KCTD1: variants seen among roughly 807,000 people sequenced by gnomAD.
KCTD1 encodes BTB/POZ domain-containing protein KCTD1.
Under a neutral mutation model 66.0 loss-of-function variants are expected in KCTD1, and 24 were observed. The ratio of observed to expected loss-of-function variants is 0.36; its 90% CI spans 0.26 to 0.51. The LOEUF is 0.51. Ranked by LOEUF, KCTD1 falls within the 20% of genes least tolerant of loss-of-function variation. The pLI is 0.95. For synonymous variants in KCTD1, 511 were observed against 517.2 expected, an observed-to-expected ratio of 0.99 and a Z score of 0.16; for missense variants, 943 against 1,205.2, an observed-to-expected ratio of 0.78 and a Z score of 3.22.
At chr18:26,639,201 G>A (rs373358916) in intron 1 of KCTD1, among the ~76,000 whole-genome samples, 18 of 152,206 alleles carry the variant, frequency 1.2e-4, no homozygotes, top group African/African-American at 4.1e-4. Context: ...AGTCAGAAGA[G>A]CTGAGAATCT....
chr18:26,502,594 G>T (rs1351710260), intron 1 of KCTD1, among the ~76,000 whole-genome samples: 1 of 152,150 alleles, frequency 6.6e-6, no homozygotes, highest in African/African-American at 2.4e-5. Context: ...TTTTCAATTA[G>T]AGCCCAAACC....
intron 1 of KCTD1, among the ~76,000 whole-genome samples, chr18:26,605,709 CAT>C (rs990935019): frequency 4.4e-5 from 6 of 135,450 alleles, no homozygotes; most frequent in Non-Finnish European, 9.6e-5. Context: ...CTAAATACAC[CAT>C]ATATATATCT....
intron 1 of KCTD1, among the ~76,000 whole-genome samples, chr18:26,593,336 A>AGAGGAGGAAGAG (rs1986657676): frequency 1.7e-5 from 2 of 115,316 alleles, no homozygotes; most frequent in Non-Finnish European, 3.6e-5. Flanking sequence ...AGGAGGAGGA[A>AGAGGAGGAAGAG]GAGGAGGAAG....
At chr18:26,529,849 G>C (rs1027816390) in intron 1 of KCTD1, among the ~76,000 whole-genome samples, 3 of 152,176 alleles carry the variant, frequency 2.0e-5, no homozygotes, top group African/African-American at 7.2e-5. Flanking sequence ...AAGTAAAACA[G>C]GATTAGTGAC....
upstream of KCTD1, among the ~76,000 whole-genome samples, chr18:26,552,796 AT>A (rs530132935): frequency 3.1e-3 from 471 of 152,206 alleles, 1 homozygote; most frequent in African/African-American, 0.011. Context: ...AATTTCAGAA[AT>A]TTTGTGGGCT....
At position 26,651,799 on chromosome 18, in the gene KCTD1, A is replaced by AAAGAAGAAG. The variant is rs10530531; in HGVS notation, c.9+5552_9+5560dup. On this transcript the variant is annotated intron_variant, in intron 1 of 4. Coordinates refer to the KCTD1 transcript ENST00000580191. ...ACTCGGTCTCAAAAAAAAAAAAAAA[A>AAAGAAGAAG]AAGAAGAAGAAGAAGAAGAAGAAGG... 1.3e-3 allele frequency among the ~76,000 whole-genome samples: 150 copies of AAAGAAGAAG among 117,134 alleles called. 1 individual carries two copies. Among genetic ancestry groups the AAAGAAGAAG allele is most frequent in the African/African-American group, 3.7e-3 (103 of 28,074 alleles). 76.8% of individuals were successfully genotyped at this position (117,134 alleles called of 152,430 possible).
chr18:26,554,829 C>T (rs1257974264), intron 1 of KCTD1, among the ~76,000 whole-genome samples: 1 of 152,036 alleles, frequency 6.6e-6, no homozygotes, highest in Non-Finnish European at 1.5e-5. Flanking sequence ...GGGTTTTTAT[C>T]GAGCCTAAGA....
chr18:26,632,732 C>CT (rs1445414152), upstream of KCTD1, among the ~76,000 whole-genome samples: 4 of 151,824 alleles, frequency 2.6e-5, no homozygotes, highest in Non-Finnish European at 5.9e-5. Context: ...ACAAAAATAG[C>CT]TAAGGATATA....
Position 26,476,751 on chromosome 18 carries a change from C to CT in KCTD1, c.1989-93_1989-92insA. 2.5e-6 allele frequency: 3 copies of CT among 1,179,252 alleles called. No individual in the cohort carries two copies. Among genetic ancestry groups the CT allele is most frequent in the Middle Eastern group, 1.9e-4 (1 of 5,244 alleles). The allele number at this position is 1,179,252 out of a possible 1,614,324, so 73.0% of individuals were successfully genotyped here. On this transcript the variant is annotated intron_variant, in intron 2 of 4. Coordinates refer to ENST00000580059, the MANE Select transcript of KCTD1 (RefSeq NM_001142730.3). This position sits in a 1 kb window ranked among gnomAD's most constrained non-coding sequence, Gnocchi z 4.9. ...TGTCTTTTATCACTGTCAAAGGTAG[C>CT]ACTTTTGAAGATGGCAGTAGGGAAA...
upstream of KCTD1, among the ~76,000 whole-genome samples, chr18:26,642,592 C>T (rs1172049136): frequency 1.3e-5 from 2 of 152,058 alleles, no homozygotes; most frequent in East Asian, 3.9e-4. Flanking sequence ...ATCTCTATTT[C>T]CCTAAGTCAT....
intron 1 of KCTD1, among the ~76,000 whole-genome samples, chr18:26,518,834 C>T (rs1312883551): frequency 6.6e-6 from 1 of 152,184 alleles, no homozygotes; most frequent in East Asian, 1.9e-4. Context: ...TGAGCTACTG[C>T]ACCAGCCATC....
chr18:26,644,074 T>A (rs974392682), upstream of KCTD1, among the ~76,000 whole-genome samples: 1 of 152,230 alleles, frequency 6.6e-6, no homozygotes, highest in African/African-American at 2.4e-5. Flanking sequence ...TGCATAGCAC[T>A]TAATCCTATC....
At chr18:26,636,886 C>T (rs1442932596) in intron 1 of KCTD1, among the ~76,000 whole-genome samples, 5 of 152,236 alleles carry the variant, frequency 3.3e-5, no homozygotes, top group Admixed American at 3.3e-4. Context: ...GTTGCTGGAA[C>T]TATTTTCATT....
At chr18:26,539,490 A>G (rs1257866258) in intron 1 of KCTD1, among the ~76,000 whole-genome samples, 2 of 152,146 alleles carry the variant, frequency 1.3e-5, no homozygotes, top group Non-Finnish European at 2.9e-5. Flanking sequence ...AGCTTTCAGT[A>G]TGTCTTCATT....
In KCTD1 at chr18:26,617,352, A is replaced by G. The variant is rs571214812; in HGVS notation, c.-16+11795T>C. 4.6e-4 allele frequency among the ~76,000 whole-genome samples: 70 copies of G among 152,376 alleles called. No individual in the cohort carries two copies. In the South Asian group the frequency reaches 6.6e-3, roughly 14 times the overall value. ...CAGCCAAGAGGAATGTATGCTGTCA[A>G]CTGCCGTACAAAGATGTGTATCATA... On this transcript the variant is annotated intron_variant, in intron 1 of 4. Coordinates refer to the KCTD1 transcript ENST00000317932.
At chr18:26,562,636 C>T (rs189321542) in intron 1 of KCTD1, among the ~76,000 whole-genome samples, 150 of 152,274 alleles carry the variant, frequency 9.9e-4, no homozygotes, top group Admixed American at 1.4e-3. Context: ...TTGTATTAAT[C>T]GGCTTGGGGT....
intron 2 of KCTD1, among the ~76,000 whole-genome samples, chr18:26,487,512 C>T (rs149693912): frequency 5.1e-4 from 77 of 152,282 alleles, no homozygotes; most frequent in African/African-American, 1.7e-3. Flanking sequence ...TAATTTATGT[C>T]GCAAGCTTAT....
intron 2 of KCTD1, among the ~76,000 whole-genome samples, chr18:26,477,670 C>T (rs992855863): frequency 1.3e-5 from 2 of 152,078 alleles, no homozygotes; most frequent in African/African-American, 4.8e-5. Flanking sequence ...AATAATTTCA[C>T]CCCTCTTAAA....
chr18:26,480,576 T>C (rs1981588510), intron 2 of KCTD1, among the ~76,000 whole-genome samples: 1 of 152,168 alleles, frequency 6.6e-6, no homozygotes, highest in Admixed American at 6.5e-5. Flanking sequence ...AAGACGAGCC[T>C]GACCAACATG....
Sources: allele counts gnomAD v4.1 joint callset (sites outside exome capture counted in the v4.1 genomes callset), GRCh38; gene constraint gnomAD v4.1.1; non-coding constraint Gnocchi (gnomAD v3.1); transcripts MANE v1.5; gene names NCBI Gene and HGNC (gene_info 2026-07-23, HGNC 2026-07-21).